Variants in RB1 observed in about 807,000 individuals in gnomAD.
RB1 encodes the protein RB transcriptional corepressor 1.
A neutral mutation model predicts 135.4 loss-of-function variants in RB1; 18 were observed. That is an observed-to-expected ratio of 0.13 (90% CI 0.09 to 0.20). The LOEUF is 0.20. Ranked by LOEUF, RB1 falls within the 10% of genes least tolerant of loss-of-function variation. The pLI, the probability that RB1 is intolerant of heterozygous loss-of-function variation, is 1.00. For synonymous variants in RB1, 365 were observed against 373.2 expected (o/e 0.98, Z 0.25); for missense variants, 868 against 1,110.0 (o/e 0.78, Z 3.10).
intron 4 of RB1, among the ~76,000 whole-genome samples, chr13:48,346,991 A>T (rs1036965971): frequency 2.6e-5 from 4 of 151,448 alleles, no homozygotes; most frequent in African/African-American, 9.7e-5. Flanking sequence ...TTGGGGACTC[A>T]TTGGTAGGAG....
chr13:48,449,005 T>TA (rs1363915454), intron 17 of RB1, among the ~76,000 whole-genome samples: 2 of 152,224 alleles, frequency 1.3e-5, no homozygotes, highest in Non-Finnish European at 2.9e-5. Context: ...TGCTTTTTTT[T>TA]ATTGAGTGAA....
intron 6 of RB1, among the ~76,000 whole-genome samples, chr13:48,354,078 G>A (rs1414340420): frequency 1.3e-5 from 2 of 152,076 alleles, no homozygotes; most frequent in African/African-American, 2.4e-5. Flanking sequence ...AGTACTGGAA[G>A]TCCTAGATAG....
chr13:48,446,796 C>T (rs1949290913), intron 17 of RB1, among the ~76,000 whole-genome samples: 6 of 152,178 alleles, frequency 3.9e-5, no homozygotes, highest in Non-Finnish European at 4.4e-5. Flanking sequence ...AGTGTTAGAG[C>T]ATGAGGTCTG....
At chr13:48,420,860 A>G (rs536284322) in intron 17 of RB1, among the ~76,000 whole-genome samples, 2 of 152,294 alleles carry the variant, frequency 1.3e-5, no homozygotes, top group South Asian at 2.1e-4. Flanking sequence ...AAGAACTACA[A>G]ACTTCACTGC....
In RB1 at chr13:48,466,499, G is replaced by A. The variant is rs562125919; in HGVS notation, c.2489+1131G>A. 2.2e-4 allele frequency among the ~76,000 whole-genome samples: 33 copies of A among 151,500 alleles called. No individual in the cohort carries two copies. The South Asian group carries it at 4.6e-3, about 21-fold the overall frequency. ...AACTGGAAACTCTAAAACGCAGAGC[G>A]CCTCTCCTCCTCCAAAGGAACACAG... On this transcript the variant is annotated intron_variant, in intron 23 of 26. Coordinates refer to ENST00000267163, the MANE Select transcript of RB1 (RefSeq NM_000321.3).
chr13:48,322,111 A>AC (rs1952247319), intron 2 of RB1, among the ~76,000 whole-genome samples: 1 of 151,944 alleles, frequency 6.6e-6, no homozygotes, highest in Non-Finnish European at 1.5e-5. Flanking sequence ...TTTTGGTGAC[A>AC]CCCCCTATTT....
intron 24 of RB1, among the ~76,000 whole-genome samples, chr13:48,474,693 T>G (rs903925202): frequency 1.3e-5 from 2 of 152,040 alleles, no homozygotes; most frequent in African/African-American, 4.8e-5. Flanking sequence ...ATTGTTTGCA[T>G]GAGATCCTGC....
chr13:48,365,380 C>A lies in RB1; in HGVS notation c.939+409C>A, dbSNP rs138376632. 2.6e-3 allele frequency among the ~76,000 whole-genome samples: 396 copies of A among 152,242 alleles called. 4 individuals carry two copies. Among genetic ancestry groups the A allele is most frequent in the African/African-American group, 9.1e-3 (377 of 41,554 alleles). ...GGCATTACTACATTGTGGAACATCTCTTTTGAGGATTTTTAAGAACTGCTT... is the reference window on the plus strand; with the variant it reads ...GGCATTACTACATTGTGGAACATCTATTTTGAGGATTTTTAAGAACTGCTT... On this transcript the variant is annotated intron_variant, in intron 9 of 26. Transcript: ENST00000267163.
intron 14 of RB1, 95 bp downstream of exon 14, chr13:48,379,745 A>C: frequency 1.4e-6 from 2 of 1,442,710 alleles, no homozygotes; most frequent in Non-Finnish European, 1.9e-6. Context: ...GCAGATCAGG[A>C]GGTCAAGGCA....
chr13:48,319,084 TA>T lies in RB1; in HGVS notation c.264+11679del, dbSNP rs1952212100. On this transcript the variant is annotated intron_variant, in intron 2 of 26. Transcript: ENST00000267163. The surrounding 1 kb of genome is among the most constrained non-coding windows in gnomAD (Gnocchi z 5.0). ...TGTCTGCCTGGCACGAGGACCGTTC[TA>T]CAAACTCGTTCCTGGAAGCCGGGCT... is the stretch of plus-strand genomic sequence containing the variant. The T allele has an allele frequency of 6.5e-6, 4 of 613,184 alleles. No individual in the cohort carries two copies. Among genetic ancestry groups the T allele is most frequent in the Non-Finnish European group, 1.2e-5 (4 of 330,644 alleles). 38.0% of individuals were successfully genotyped at this position (613,184 alleles called of 1,614,324 possible). A position where few individuals can be genotyped will look rare whatever the true frequency, so the allele number is the denominator to read the frequency against.
chr13:48,351,723 G>A (rs1952550530), intron 6 of RB1, among the ~76,000 whole-genome samples: 1 of 151,656 alleles, frequency 6.6e-6, no homozygotes. Flanking sequence ...ACCCAGGCTG[G>A]AGTGCAGTGG....
chr13:48,335,601 C>CTT (rs946178834), intron 2 of RB1, among the ~76,000 whole-genome samples: 2 of 143,192 alleles, frequency 1.4e-5, no homozygotes, highest in African/African-American at 5.1e-5. Context: ...TTGAAAGTAC[C>CTT]TTTTTTTTTT....
chr13:48,458,724 G>A (rs1472438176), intron 19 of RB1, among the ~76,000 whole-genome samples: 1 of 152,150 alleles, frequency 6.6e-6, no homozygotes. Flanking sequence ...GCAAGTCGTT[G>A]AAAGAGATAT....
chr13:48,312,665 T>G (rs1011548095), intron 2 of RB1, among the ~76,000 whole-genome samples: 4 of 152,254 alleles, frequency 2.6e-5, no homozygotes, highest in African/African-American at 9.6e-5. Flanking sequence ...TTGCATTGCC[T>G]CTCACGTCTG....
chr13:48,465,435 A>C, intron 23 of RB1, 67 bp downstream of exon 23: 1 of 1,422,230 alleles, frequency 7.0e-7, no homozygotes, highest in Non-Finnish European at 9.9e-7. Flanking sequence ...CAAGAATAAA[A>C]AATATAAAGC....
chr13:48,431,640 C>G (rs901310681), intron 17 of RB1, among the ~76,000 whole-genome samples: 1 of 152,058 alleles, frequency 6.6e-6, no homozygotes, highest in Non-Finnish European at 1.5e-5. Context: ...GGTTTCCTGT[C>G]TATACTAGAA....
At chr13:48,433,328 A>G (rs191511007) in intron 17 of RB1, among the ~76,000 whole-genome samples, 2 of 152,306 alleles carry the variant, frequency 1.3e-5, no homozygotes, top group African/African-American at 2.4e-5. Flanking sequence ...AATTATTTAA[A>G]TATACCACTA....
chr13:48,456,497 A>G (rs1313417436), intron 19 of RB1, 148 bp downstream of exon 19: 3 of 1,279,540 alleles, frequency 2.3e-6, no homozygotes, highest in African/African-American at 3.0e-5. Context: ...AATGGAAATG[A>G]TAATGTTGCG....
At chr13:48,312,693 C>A (rs189174801) in intron 2 of RB1, among the ~76,000 whole-genome samples, 22 of 152,286 alleles carry the variant, frequency 1.4e-4, no homozygotes, top group African/African-American at 3.4e-4. Context: ...ATTTCTTTTA[C>A]CAGCAGTGCT....
Sources: gnomAD v4.1 joint callset for allele counts (sites outside exome capture counted in the v4.1 genomes callset) on GRCh38, gnomAD v4.1.1 for gene constraint, Gnocchi (gnomAD v3.1) non-coding constraint, MANE v1.5 for transcripts, NCBI Gene and HGNC (gene_info 2026-07-23, HGNC 2026-07-21) for gene names.